Variants in MORC1 observed in about 807,000 individuals in gnomAD.
MORC1 encodes the protein MORC family CW-type zinc finger protein 1.
In MORC1, 59 loss-of-function variants were observed where a neutral mutation model predicts 134.9. The observed-to-expected ratio is 0.44, with a 90% CI of 0.35 to 0.54. The LOEUF (loss-of-function observed/expected upper bound fraction) is 0.54. Ranked by LOEUF, MORC1 falls within the 20% of genes least tolerant of loss-of-function variation. The pLI is 0.00. For synonymous variants in MORC1, 395 were observed against 391.7 expected, an observed-to-expected ratio of 1.01 and a Z score of -0.10; for missense variants, 947 against 1,134.5, an observed-to-expected ratio of 0.83 and a Z score of 2.37.
intron 8 of MORC1, among the ~76,000 whole-genome samples, chr3:109,074,164 T>C (rs1256668691): frequency 1.3e-5 from 2 of 152,204 alleles, no homozygotes; most frequent in East Asian, 3.8e-4. Flanking sequence ...TTACTCTGTA[T>C]TATATCATCA....
chr3:108,996,626 G>T lies in MORC1; in HGVS notation c.2187+3931C>A, dbSNP rs368510984. Among the ~76,000 whole-genome samples the T allele has an allele frequency of 1.1e-4, 16 of 152,290 alleles. No homozygotes were observed. In the East Asian group the frequency reaches 2.3e-3, roughly 22 times the overall value. ...AAACTTCTACAGCTCCAAATGATGT[G>T]CAAGGTCTTGCCAAGAACATGCTCA... On this transcript the variant is annotated intron_variant, in intron 21 of 27. Transcript: ENST00000232603.
intron 17 of MORC1, among the ~76,000 whole-genome samples, chr3:109,008,501 G>C (rs916136973): frequency 5.9e-4 from 89 of 151,114 alleles, no homozygotes; most frequent in Admixed American, 1.2e-3. Flanking sequence ...TGATTGTTTA[G>C]GTATCCCTGA....
rs748819819 is a variant in MORC1 at position 109,100,517 on chromosome 3, A to G, written c.224-10T>C. ...ATGTCTGAAGCTTCCTCTGTAATTGACAGTGACTTTTAAGGTGGTTAGGAA... is the reference window on the plus strand; with the variant it reads ...ATGTCTGAAGCTTCCTCTGTAATTGGCAGTGACTTTTAAGGTGGTTAGGAA... On this transcript the variant is annotated splice_polypyrimidine_tract_variant and intron_variant, in intron 4 of 27. Transcript: ENST00000232603. The G allele has an allele frequency of 1.2e-6, 2 of 1,603,858 alleles. No individual in the cohort carries two copies. Among genetic ancestry groups the G allele is most frequent in the South Asian group, 2.2e-5 (2 of 90,838 alleles).
intron 21 of MORC1, among the ~76,000 whole-genome samples, chr3:108,998,587 C>A (rs1418437150): frequency 6.6e-6 from 1 of 152,118 alleles, no homozygotes; most frequent in African/African-American, 2.4e-5. Context: ...TGCACACAGA[C>A]ACATGCTATA....
At chr3:109,009,350 C>T (rs1044504145) in intron 17 of MORC1, among the ~76,000 whole-genome samples, 13 of 151,814 alleles carry the variant, frequency 8.6e-5, no homozygotes, top group East Asian at 1.9e-4. Flanking sequence ...GGACTACAGG[C>T]GCATGCCACC....
chr3:109,099,658 C>T (rs1478656254), intron 5 of MORC1, among the ~76,000 whole-genome samples, 192 bp from the exon 6 acceptor site: 2 of 151,848 alleles, frequency 1.3e-5, no homozygotes, highest in Admixed American at 1.3e-4. Context: ...GCCAGCTCCA[C>T]ACTCTTGCTT....
chr3:109,086,347 T>G (rs993890223), intron 8 of MORC1, among the ~76,000 whole-genome samples: 1 of 152,044 alleles, frequency 6.6e-6, no homozygotes, highest in African/African-American at 2.4e-5. Flanking sequence ...CCTGAAAATA[T>G]GTATATCTAT....
chr3:109,047,466 G>A (rs1949719677), intron 14 of MORC1, among the ~76,000 whole-genome samples: 3 of 152,002 alleles, frequency 2.0e-5, no homozygotes, highest in African/African-American at 7.2e-5. Flanking sequence ...GGTACAGTCA[G>A]AAAGGAAGCA....
At chr3:108,997,908 T>G (rs2107512609) in intron 21 of MORC1, among the ~76,000 whole-genome samples, 1 of 152,334 alleles carries the variant, frequency 6.6e-6, no homozygotes, top group Admixed American at 6.5e-5. Context: ...TTTATTGATT[T>G]TATTAACATA....
intron 3 of MORC1, chr3:109,110,400 C>T (rs1559958779): frequency 4.9e-6 from 1 of 203,010 alleles, no homozygotes; most frequent in Non-Finnish European, 9.8e-6. Context: ...TTTGAAACTA[C>T]TAAGTTGGGA....
In MORC1 at chr3:109,035,400, A is replaced by G. The variant is rs1301191641; in HGVS notation, c.1399T>C (p.Leu467=). ...YQNDIDVEKP[L]NSFQYQRRQA... is the part of the protein sequence containing the mutation. The stretch of plus-strand genomic sequence containing the variant: ...CTTCTTTGATATTGAAAAGAATTTA[A>G]AGGTTTCTCCACATCGATGTCATTC... Residue 467 remains leucine (L), a synonymous_variant, in exon 15 of 28, where the codon TTA becomes CTA. Transcript: ENST00000232603. The G allele has an allele frequency of 6.4e-7, 1 of 1,567,486 alleles. No homozygotes were observed. The highest frequency in any genetic ancestry group is 8.7e-7 in the Non-Finnish European group (1 of 1,147,748).
chr3:108,977,314 G>A (rs1217401592), intron 24 of MORC1, among the ~76,000 whole-genome samples: 1 of 152,168 alleles, frequency 6.6e-6, no homozygotes, highest in Non-Finnish European at 1.5e-5. Context: ...TTTATAAAAA[G>A]TAAGTGGGTG....
intron 6 of MORC1, among the ~76,000 whole-genome samples, chr3:109,097,406 GC>G (rs1441821817): frequency 6.6e-6 from 1 of 152,172 alleles, no homozygotes; most frequent in Non-Finnish European, 1.5e-5. Flanking sequence ...CAGATATTTT[GC>G]CCCCTATGTT....
chr3:109,105,637 C>A (rs1374874998), intron 3 of MORC1, among the ~76,000 whole-genome samples: 2 of 150,456 alleles, frequency 1.3e-5, no homozygotes, highest in Non-Finnish European at 2.9e-5. Flanking sequence ...TATGATCACA[C>A]CACTGCACTC....
At chr3:109,005,638 G>A (rs1020613862) in intron 18 of MORC1, among the ~76,000 whole-genome samples, 5 of 152,134 alleles carry the variant, frequency 3.3e-5, no homozygotes, top group African/African-American at 1.2e-4. Context: ...TGCAAACAAG[G>A]CTGGTCGTCA....
intron 5 of MORC1, among the ~76,000 whole-genome samples, chr3:109,099,967 G>C (rs527662587): frequency 6.6e-6 from 1 of 152,304 alleles, no homozygotes; most frequent in South Asian, 2.1e-4. Flanking sequence ...TTATGGGCCG[G>C]GCGTGGTGGC....
rs548646579 is a variant in MORC1 at position 109,034,245 on chromosome 3, T to C, written c.1459+1095A>G. On this transcript the variant is annotated intron_variant, in intron 15 of 27. Transcript: ENST00000232603. ...AGTCAGGTCTTCCTTGGAATACTCC[T>C]AGGCAAAAGGCTGCGGAGGTGCTCC... is the stretch of plus-strand genomic sequence containing the variant. Among the ~76,000 whole-genome samples the C allele has an allele frequency of 5.7e-4, 87 of 152,334 alleles. 2 individuals are homozygous for C. The highest frequency in any genetic ancestry group is 1.9e-3 in the African/African-American group (77 of 41,578).
Position 109,118,119 on chromosome 3 carries a change from G to A in MORC1, c.-60C>T, listed in dbSNP as rs1951312014. The stretch of plus-strand genomic sequence containing the variant: ...AAGGACACCTGACCGGCAGCCGTTC[G>A]CCTGCGCCCGCGCCCACTCCCACGC... On this transcript the variant is annotated 5_prime_UTR_variant, in exon 1 of 28. Coordinates refer to ENST00000232603, the MANE Select transcript of MORC1 (RefSeq NM_014429.4). 4.5e-6 allele frequency: 7 copies of A among 1,553,180 alleles called. No individual in the cohort carries two copies. Among genetic ancestry groups the A allele is most frequent in the Non-Finnish European group, 4.4e-6 (5 of 1,144,194 alleles).
chr3:109,090,620 C>CAAAAAAA (rs34093019), intron 8 of MORC1, among the ~76,000 whole-genome samples: 1 of 54,688 alleles, frequency 1.8e-5, no homozygotes, highest in Non-Finnish European at 3.8e-5. Flanking sequence ...AACTCCGTCT[C>CAAAAAAA]AAAAAAAAAA....
Sources: gnomAD v4.1 joint callset for allele counts (sites outside exome capture counted in the v4.1 genomes callset) on GRCh38, gnomAD v4.1.1 for gene constraint, MANE v1.5 for transcripts, NCBI Gene and HGNC (gene_info 2026-07-23, HGNC 2026-07-21) for gene names.